TPI1: variants seen among roughly 807,000 people sequenced by gnomAD.
TPI1 encodes triosephosphate isomerase 1.
Under a neutral mutation model 31.0 loss-of-function variants are expected in TPI1, and 11 were observed. The ratio of observed to expected loss-of-function variants is 0.36; its 90% CI spans 0.22 to 0.59. TPI1 has a LOEUF of 0.59. TPI1 is among the 20% of genes least tolerant of loss of function. The pLI is 0.79. For missense variants in TPI1, 245 were observed against 319.7 expected (o/e 0.77, Z 1.78); for synonymous variants, 121 against 122.8 (o/e 0.99, Z 0.10).
rs1203367753 is a variant in TPI1 at position 6,868,196 on chromosome 12, C to T, written c.115+515C>T. 9.3e-6 allele frequency: 12 copies of T among 1,287,992 alleles called. No homozygotes were observed. In the Admixed American group the frequency reaches 2.8e-4, roughly 30 times the overall value. 79.8% of individuals were successfully genotyped at this position (1,287,992 alleles called of 1,614,324 possible). A position where few individuals can be genotyped will look rare whatever the true frequency, so the allele number is the denominator to read the frequency against. On this transcript the variant is annotated intron_variant, in intron 1 of 6. Coordinates refer to ENST00000396705, the MANE Select transcript of TPI1 (RefSeq NM_000365.6). ...GACCCCTTCCCTTCGGCAACCTGAACGACTCCCGCCTTCCACGGAAGGGAC... is the reference window on the plus strand; with the variant it reads ...GACCCCTTCCCTTCGGCAACCTGAATGACTCCCGCCTTCCACGGAAGGGAC...
chr12:6,868,056 T>G (rs149223032), intron 1 of TPI1: 2 of 1,223,582 alleles, frequency 1.6e-6, no homozygotes, highest in Non-Finnish European at 2.1e-6. Context: ...TCCCGCTCCC[T>G]GCGCCCTGGC....
At chr12:6,869,953 CTCAG>C in intron 5 of TPI1, 92 bp from the exon 6 acceptor site, 3 of 1,477,344 alleles carry the variant, frequency 2.0e-6, no homozygotes, top group Non-Finnish European at 2.8e-6. Flanking sequence ...GGTACTCTGA[CTCAG>C]TCAGAAACCA....
rs782730165 is a variant in TPI1 at position 6,870,636 on chromosome 12, G to T, written c.*253G>T. 30 of 660,800 alleles carry T rather than the reference G, an allele frequency of 4.5e-5. No homozygotes were observed. Among genetic ancestry groups the T allele is most frequent in the Non-Finnish European group, 8.0e-5 (28 of 352,108 alleles). The allele number at this position is 660,800 out of a possible 1,614,324, so 40.9% of individuals were successfully genotyped here. A position where few individuals can be genotyped will look rare whatever the true frequency, so the allele number is the denominator to read the frequency against. ...GGTGGCTTCTCCTTGGCTGAGAGAT[G>T]GAAGGCGTGGTGGGATTTGCTCCTG... On this transcript the variant is annotated 3_prime_UTR_variant, in exon 7 of 7. Coordinates refer to ENST00000396705, the MANE Select transcript of TPI1 (RefSeq NM_000365.6).
chr12:6,867,796 T>G, intron 1 of TPI1, 115 bp downstream of exon 1: 1 of 1,158,634 alleles, frequency 8.6e-7, no homozygotes. Flanking sequence ...GCGGACCTGA[T>G]GCAGGGCTGT....
chr12:6,869,216 T>C, intron 3 of TPI1, 33 bp downstream of exon 3: 3 of 1,614,136 alleles, frequency 1.9e-6, no homozygotes, highest in Non-Finnish European at 2.5e-6. Context: ...AAGGGATGTC[T>C]TTTTCCAAGA....
intron 5 of TPI1, 22 bp downstream of exon 5, chr12:6,869,795 G>C: frequency 6.2e-7 from 1 of 1,613,436 alleles, no homozygotes; most frequent in Non-Finnish European, 8.5e-7. Context: ...CAGGAGCCCT[G>C]CCCTCATCCC....
In TPI1 at chr12:6,868,955, A is replaced by G; in HGVS notation, c.207A>G (p.Lys69=). Residue 69 remains lysine (K), a synonymous_variant, in exon 2 of 7, where the codon AAA becomes AAG. Transcript: ENST00000396705. ...CTGTGGCTGCGCAGAACTGCTACAAAGTGACTAATGGGGCTTTTACTGGGG... is the reference window on the plus strand; with the variant it reads ...CTGTGGCTGCGCAGAACTGCTACAAGGTGACTAATGGGGCTTTTACTGGGG... ...KIAVAAQNCY[K]VTNGAFTGEI... 2 of 1,614,168 alleles carry G rather than the reference A, an allele frequency of 1.2e-6. No homozygotes were observed. The highest frequency in any genetic ancestry group is 4.5e-5 in the East Asian group (2 of 44,888).
chr12:6,867,819 G>A (rs1302826410), intron 1 of TPI1, 138 bp downstream of exon 1: 47 of 971,890 alleles, frequency 4.8e-5, no homozygotes, highest in Non-Finnish European at 6.0e-5. Flanking sequence ...GACGAGGGCC[G>A]CTGGGGTCCG....
Position 6,870,741 on chromosome 12 carries a change from G to C in TPI1, c.*358G>C, listed in dbSNP as rs782136697. The C allele has an allele frequency of 1.9e-6, 1 of 538,626 alleles. No homozygotes were observed. The highest frequency in any genetic ancestry group is 3.6e-6 in the Non-Finnish European group (1 of 278,482). The allele number at this position is 538,626 out of a possible 1,614,324, so 33.4% of individuals were successfully genotyped here. On this transcript the variant is annotated 3_prime_UTR_variant, in exon 7 of 7. Coordinates refer to ENST00000396705, the MANE Select transcript of TPI1 (RefSeq NM_000365.6). ...CCGTGAGGCCAAGATCCCCTCAGAAGGCAGGAGTGCTGCCCTCTCCCATGG... is the reference window on the plus strand; with the variant it reads ...CCGTGAGGCCAAGATCCCCTCAGAACGCAGGAGTGCTGCCCTCTCCCATGG...
intron 4 of TPI1, 88 bp downstream of exon 4, chr12:6,869,478 C>T: frequency 6.3e-7 from 1 of 1,594,578 alleles, no homozygotes; most frequent in Non-Finnish European, 8.6e-7. Context: ...GTCTTGGTCC[C>T]CATGCTGATC....
Position 6,870,314 on chromosome 12 carries a change from G to A in TPI1, c.681G>A (p.Val227=), listed in dbSNP as rs1194251836. The A allele has an allele frequency of 5.6e-6, 9 of 1,614,062 alleles. No individual in the cohort carries two copies. The highest frequency in any genetic ancestry group is 7.6e-6 in the Non-Finnish European group (9 of 1,180,028). The change falls in exon 7 of 7, where the codon GTG becomes GTA. Residue 227 remains valine, a synonymous_variant. Coordinates refer to ENST00000396705, the MANE Select transcript of TPI1 (RefSeq NM_000365.6). ...TCKELASQPD[V]DGFLVGGASL... ...AGGAGCTGGCCAGCCAGCCTGATGT[G>A]GATGGCTTCCTTGTGGGTGGTGCTT...
rs1565536416 is a variant in TPI1, at chr12:6,867,537, ACTGACCTTCAGCG to A, written c.-28_-16del. ...GCAGTGGCCGCGACTGCGCGCAGAC[ACTGACCTTCAGCG>A]CCTCGGCTCCAGCGCCATGGCGCCC... On this transcript the variant is annotated 5_prime_UTR_variant, in exon 1 of 7. Transcript: ENST00000396705. 1 of 1,608,278 alleles carries A rather than the reference ACTGACCTTCAGCG, an allele frequency of 6.2e-7. No individual in the cohort carries two copies. Among genetic ancestry groups the A allele is most frequent in the Admixed American group, 1.7e-5 (1 of 59,136 alleles).
chr12:6,869,406 G>C lies in TPI1; in HGVS notation c.457+16G>C. 1.9e-6 allele frequency: 3 copies of C among 1,613,950 alleles called. No individual in the cohort carries two copies. The highest frequency in any genetic ancestry group is 2.5e-6 in the Non-Finnish European group (3 of 1,180,008). On this transcript the variant is annotated intron_variant, in intron 4 of 6. Transcript: ENST00000396705. ...GTCATCGCAGGTATCTCTGGAGAAA[G>C]GGACCTTTGAGCCTATCCAGGGCCA...
rs60115912 is a variant in TPI1 at position 6,870,149 on chromosome 12, G to T, written c.631+13G>T. On this transcript the variant is annotated intron_variant, in intron 6 of 6. Transcript: ENST00000396705. Reference sequence around the variant, plus strand: ...ATCATTTATGGAGGTGAGTGGCTTTGGTTCCCGGCTGAGGTGGAGTGGGCT... The same window carrying T: ...ATCATTTATGGAGGTGAGTGGCTTTTGTTCCCGGCTGAGGTGGAGTGGGCT... The T allele has an allele frequency of 6.2e-7, 1 of 1,613,402 alleles. No homozygotes were observed. Among genetic ancestry groups the T allele is most frequent in the Admixed American group, 1.7e-5 (1 of 60,024 alleles).
At position 6,869,018 on chromosome 12, in the gene TPI1, A is replaced by G. The variant is rs1335976049; in HGVS notation, c.239+31A>G. On this transcript the variant is annotated intron_variant, in intron 2 of 6. Transcript: ENST00000396705. ...ATCGAGGTGGAGAGGGGTGTGTGGGACCCTTCCCTCACTTTCCTCGTTGAG... is the reference window on the plus strand; with the variant it reads ...ATCGAGGTGGAGAGGGGTGTGTGGGGCCCTTCCCTCACTTTCCTCGTTGAG... 5 of 1,613,664 alleles carry G rather than the reference A, an allele frequency of 3.1e-6. No homozygotes were observed. In the African/African-American group the frequency reaches 5.3e-5, roughly 17 times the overall value.
chr12:6,868,455 C>T, intron 1 of TPI1: 1 of 1,288,436 alleles, frequency 7.8e-7, no homozygotes, highest in South Asian at 1.2e-5. Context: ...TCAATACAAA[C>T]CCCAGGAGTT....
rs1555132345 is a variant in TPI1, at chr12:6,869,667, ATCTG to A, written c.458-19_458-16del. The A allele has an allele frequency of 6.2e-7, 1 of 1,613,950 alleles. No homozygotes were observed. Among genetic ancestry groups the A allele is most frequent in the Non-Finnish European group, 8.5e-7 (1 of 1,179,828 alleles). ...CTCTTTCTTGTTCACCCTTCCCTCC[ATCTG>A]TATCTCTGCCCTGCAGATAACGTGA... On this transcript the variant is annotated splice_polypyrimidine_tract_variant and intron_variant, in intron 4 of 6. Transcript: ENST00000396705.
chr12:6,867,704 T>A (rs1555131598), intron 1 of TPI1, 23 bp downstream of exon 1: 1 of 1,584,986 alleles, frequency 6.3e-7, no homozygotes, highest in South Asian at 1.1e-5. Flanking sequence ...CGAGGAGGGG[T>A]CTGGCCGGGC....
Position 6,869,178 on chromosome 12 carries a change from G to A in TPI1, c.319G>A (p.Asp107Asn). 6.2e-7 allele frequency: 1 copy of A among 1,614,212 alleles called. No homozygotes were observed. The highest frequency in any genetic ancestry group is 8.5e-7 in the Non-Finnish European group (1 of 1,180,034). Reference protein sequence around the residue: ...SERRHVFGESDELIGQKVAHA... With the variant: ...SERRHVFGESNELIGQKVAHA... Reference sequence around the variant, plus strand: ...GAGAAGGCATGTCTTTGGGGAGTCAGATGAGGTTAGTAGCCAAGAGAGAAG... The same window carrying A: ...GAGAAGGCATGTCTTTGGGGAGTCAAATGAGGTTAGTAGCCAAGAGAGAAG... The change falls in exon 3 of 7, where the codon GAT becomes AAT. Residue 107 changes from aspartate to asparagine, a missense_variant. Asp to Asn is a conservative substitution (Grantham distance 23). Coordinates refer to ENST00000396705, the MANE Select transcript of TPI1 (RefSeq NM_000365.6).
Sources: gnomAD v4.1 joint callset for allele counts on GRCh38, gnomAD v4.1.1 for gene constraint, MANE v1.5 for transcripts, NCBI Gene and HGNC (gene_info 2026-07-23, HGNC 2026-07-21) for gene names.